Variants in OTUD7A observed in about 807,000 individuals in gnomAD.
The protein encoded by OTUD7A is OTU deubiquitinase 7A.
OTUD7A carries 12 observed loss-of-function variants against 65.7 expected under a neutral mutation model. The observed-to-expected ratio is 0.18, with a 90% CI of 0.12 to 0.30. The LOEUF is 0.30. Among genes scored for constraint, OTUD7A ranks in the 10% least tolerant of loss-of-function variants. OTUD7A has a pLI of 1.00. For missense variants in OTUD7A, 1,148 were observed against 1,304.8 expected (o/e 0.88, Z 1.85); for synonymous variants, 641 against 586.3 (o/e 1.09, Z -1.35).
At chr15:31,532,891 G>A (rs1408718103) in intron 5 of OTUD7A, among the ~76,000 whole-genome samples, 5 of 144,950 alleles carry the variant, frequency 3.4e-5, no homozygotes, top group East Asian at 4.1e-4. Context: ...CCGAAATCGC[G>A]CCACTGCACT....
intron 5 of OTUD7A, among the ~76,000 whole-genome samples, chr15:31,531,245 T>C (rs1387669374): frequency 6.6e-6 from 1 of 152,162 alleles, no homozygotes; most frequent in Admixed American, 6.5e-5. Flanking sequence ...TGTAGTTATG[T>C]TAAATTTCAT....
intron 5 of OTUD7A, among the ~76,000 whole-genome samples, chr15:31,537,599 C>T (rs1887847938): frequency 6.6e-6 from 1 of 152,218 alleles, no homozygotes; most frequent in African/African-American, 2.4e-5. Flanking sequence ...AAATAGCAAC[C>T]TGTCTCACTT....
At chr15:31,791,553 T>C (rs888505008) in intron 1 of OTUD7A, among the ~76,000 whole-genome samples, 10 of 152,114 alleles carry the variant, frequency 6.6e-5, no homozygotes, top group Non-Finnish European at 1.3e-4. Context: ...AAGGGACGCA[T>C]GCGACACAGA....
At chr15:31,774,362 A>G (rs1338461477) in intron 1 of OTUD7A, among the ~76,000 whole-genome samples, 1 of 152,264 alleles carries the variant, frequency 6.6e-6, no homozygotes, top group Non-Finnish European at 1.5e-5. Context: ...CCGGCTCTTC[A>G]TGACGCTTTA....
intron 3 of OTUD7A, among the ~76,000 whole-genome samples, chr15:31,589,199 T>C (rs994768202): frequency 6.6e-6 from 1 of 152,136 alleles, no homozygotes; most frequent in Non-Finnish European, 1.5e-5. Flanking sequence ...TGTATATGGA[T>C]ATGTGTATGG....
At position 31,715,363 on chromosome 15, in the gene OTUD7A, T is replaced by C. The variant is rs1463173994; in HGVS notation, c.-99-58286A>G. On this transcript the variant is annotated intron_variant, in intron 1 of 12. Coordinates refer to ENST00000307050, the MANE Select transcript of OTUD7A (RefSeq NM_001382637.1). Reference sequence around the variant, plus strand: ...CCCCACACACAGCCTGCTGCTTCCTTGGCCTCTGTGCCCTGGGACTGACTT... The same window carrying C: ...CCCCACACACAGCCTGCTGCTTCCTCGGCCTCTGTGCCCTGGGACTGACTT... 4.2e-5 allele frequency among the ~76,000 whole-genome samples: 6 copies of C among 144,124 alleles called. No individual in the cohort carries two copies. The East Asian group carries it at 1.3e-3, about 32-fold the overall frequency. 94.6% of individuals were successfully genotyped at this position (144,124 alleles called of 152,430 possible).
chr15:31,863,889 C>G (rs747181640), intron 1 of OTUD7A, among the ~76,000 whole-genome samples: 5 of 152,222 alleles, frequency 3.3e-5, no homozygotes, highest in Non-Finnish European at 7.3e-5. Flanking sequence ...TTTATGCTCT[C>G]TTTCCCTTTT....
chr15:31,563,537 C>A (rs535348307), intron 4 of OTUD7A, among the ~76,000 whole-genome samples: 1 of 152,330 alleles, frequency 6.6e-6, no homozygotes, highest in African/African-American at 2.4e-5. Context: ...CGTCTTGGTC[C>A]TGCCTTTCCT....
At chr15:31,702,751 T>C (rs1385894935) in intron 1 of OTUD7A, among the ~76,000 whole-genome samples, 1 of 151,656 alleles carries the variant, frequency 6.6e-6, no homozygotes, top group Admixed American at 6.6e-5. Flanking sequence ...GACAAAGTTA[T>C]TGTAATATTT....
At chr15:31,689,945 ACCAGGTACACCCCATCTCGACTGGGCATC>A (rs1173472226) in intron 1 of OTUD7A, among the ~76,000 whole-genome samples, 1 of 152,170 alleles carries the variant, frequency 6.6e-6, no homozygotes, top group Non-Finnish European at 1.5e-5. Flanking sequence ...ACACAGTGGA[ACCAGGTACACCCCATCTCGACTGGGCATC>A]CCCTAGGTCA....
At chr15:31,849,295 A>C (rs530259135) in intron 1 of OTUD7A, among the ~76,000 whole-genome samples, 31 of 152,384 alleles carry the variant, frequency 2.0e-4, no homozygotes, top group African/African-American at 7.0e-4. Context: ...AAAAACAAGA[A>C]ATAGGGAAAG....
intron 5 of OTUD7A, among the ~76,000 whole-genome samples, chr15:31,543,055 T>A (rs1337441775): frequency 6.6e-6 from 1 of 151,822 alleles, no homozygotes; most frequent in Non-Finnish European, 1.5e-5. Context: ...AAGGTAAGCA[T>A]ATGGGTAAAT....
In OTUD7A at chr15:31,483,820, G is replaced by C; in HGVS notation, c.2276C>G (p.Ala759Gly). 1 of 992,084 alleles carries C rather than the reference G, an allele frequency of 1.0e-6. No homozygotes were observed. Among genetic ancestry groups the C allele is most frequent in the Non-Finnish European group, 1.2e-6 (1 of 835,678 alleles). 61.5% of individuals were successfully genotyped at this position (992,084 alleles called of 1,614,324 possible). ...GCCAGGCACTGGTCCGCTGGCGCTCGCACGCCGCGCGCCTCCCCCCGGGGA... is the reference window on the plus strand; with the variant it reads ...GCCAGGCACTGGTCCGCTGGCGCTCCCACGCCGCGCGCCTCCCCCCGGGGA... The part of the protein sequence containing the change: ...TASPGGGARR[A>G]SASGPVPGRS... Residue 759 changes from alanine (A) to glycine (G), a missense_variant, in exon 13 of 13, where the codon GCG becomes GGG. This residue lies in a region of OTUD7A where 842 missense variants were observed against 769.5 expected (regional missense o/e 1.09). Coordinates refer to ENST00000307050, the MANE Select transcript of OTUD7A (RefSeq NM_001382637.1).
intron 1 of OTUD7A, among the ~76,000 whole-genome samples, chr15:31,749,704 A>T (rs1220564999): frequency 1.3e-5 from 2 of 152,192 alleles, no homozygotes; most frequent in Non-Finnish European, 2.9e-5. Context: ...AGTCCTAACC[A>T]GAACGATCAG....
At chr15:31,622,167 C>T (rs1890808118) in intron 3 of OTUD7A, among the ~76,000 whole-genome samples, 1 of 152,132 alleles carries the variant, frequency 6.6e-6, no homozygotes, top group South Asian at 2.1e-4. Context: ...TTGTAGGTAA[C>T]CCGACTTTTC....
At chr15:31,855,258 A>G (rs1482287309) in intron 1 of OTUD7A, among the ~76,000 whole-genome samples, 1 of 152,266 alleles carries the variant, frequency 6.6e-6, no homozygotes, top group Non-Finnish European at 1.5e-5. Context: ...ATGAACATCT[A>G]GGCAAAACAG....
intron 1 of OTUD7A, among the ~76,000 whole-genome samples, chr15:31,723,445 C>T (rs753247257): frequency 1.7e-4 from 23 of 138,144 alleles, no homozygotes; most frequent in Non-Finnish European, 3.3e-4. Context: ...CACTTCATCT[C>T]GGAGGCCAGC....
chr15:31,758,126 A>G (rs1346878375), intron 1 of OTUD7A, among the ~76,000 whole-genome samples: 1 of 152,208 alleles, frequency 6.6e-6, no homozygotes, highest in Non-Finnish European at 1.5e-5. Context: ...GGACCTTAAA[A>G]GTCATGTAGT....
In OTUD7A at chr15:31,823,585, C is replaced by T. The variant is rs577132972; in HGVS notation, c.-100+46922G>A. ...GCGTAAAGTTAGCAAAATCATTACA[C>T]TCAAGGTTTTCAAAGGACACGCCTC... On this transcript the variant is annotated intron_variant, in intron 1 of 12. Coordinates refer to ENST00000307050, the MANE Select transcript of OTUD7A (RefSeq NM_001382637.1). 3.9e-5 allele frequency among the ~76,000 whole-genome samples: 6 copies of T among 152,304 alleles called. No homozygotes were observed. The South Asian group carries it at 1.2e-3, about 32-fold the overall frequency.
Sources: allele counts gnomAD v4.1 joint callset (sites outside exome capture counted in the v4.1 genomes callset), GRCh38; gene constraint gnomAD v4.1.1; regional missense constraint gnomAD v4.1.1; transcripts MANE v1.5; gene names NCBI Gene and HGNC (gene_info 2026-07-23, HGNC 2026-07-21).